CCM2: variants seen among roughly 807,000 people sequenced by gnomAD.
CCM2 encodes CCM2 scaffold protein, also known as cerebral cavernous malformations 2 protein.
CCM2 carries 25 observed loss-of-function variants against 44.9 expected under a neutral mutation model. That is an observed-to-expected ratio of 0.56 (90% CI 0.41 to 0.78). CCM2 has a LOEUF of 0.78. Ranked by LOEUF, CCM2 falls within the 30% of genes least tolerant of loss-of-function variation. CCM2 has a pLI of 0.00. For synonymous variants in CCM2, 219 were observed against 241.1 expected (o/e 0.91, Z 0.85); for missense variants, 481 against 580.6 (o/e 0.83, Z 1.76).
chr7:45,014,981 C>T (rs1796209478), intron 1 of CCM2, among the ~76,000 whole-genome samples: 1 of 152,198 alleles, frequency 6.6e-6, no homozygotes, highest in Non-Finnish European at 1.5e-5. Flanking sequence ...TGTTGTGCAT[C>T]TGGCATCTTT....
At chr7:45,052,951 T>G (rs1277356886) in intron 2 of CCM2, among the ~76,000 whole-genome samples, 1 of 152,232 alleles carries the variant, frequency 6.6e-6, no homozygotes, top group Non-Finnish European at 1.5e-5. Flanking sequence ...AATGGAAGGA[T>G]TCTGCAAAGT....
At chr7:45,027,325 C>T (rs553574115) in intron 1 of CCM2, 17 of 350,468 alleles carry the variant, frequency 4.9e-5, no homozygotes, top group South Asian at 2.1e-4. Context: ...AATGGTAGCC[C>T]CTCACAGTGC....
At chr7:45,043,596 TCCAGCC>T in intron 2 of CCM2, 1 of 308,806 alleles carries the variant, frequency 3.2e-6, no homozygotes, top group Non-Finnish European at 6.1e-6. Flanking sequence ...GCCACTGCAC[TCCAGCC>T]TGGGTGATGG....
At chr7:45,018,985 C>T (rs1388943635) in intron 1 of CCM2, among the ~76,000 whole-genome samples, 1 of 151,048 alleles carries the variant, frequency 6.6e-6, no homozygotes, top group Non-Finnish European at 1.5e-5. Context: ...GTCTCGAACT[C>T]CTGACCTCAG....
chr7:45,057,089 T>G (rs1400536834), intron 2 of CCM2, among the ~76,000 whole-genome samples: 1 of 152,222 alleles, frequency 6.6e-6, no homozygotes, highest in Non-Finnish European at 1.5e-5. Context: ...CCCCATTGAA[T>G]GCTCATCATG....
intron 1 of CCM2, among the ~76,000 whole-genome samples, chr7:45,021,481 C>T (rs1796478272): frequency 1.3e-5 from 2 of 151,540 alleles, no homozygotes; most frequent in South Asian, 2.1e-4. Context: ...GGGAGAATTG[C>T]TTGAACCCGG....
chr7:45,070,338 C>G (rs764950687), intron 6 of CCM2: 2 of 395,502 alleles, frequency 5.1e-6, no homozygotes, highest in African/African-American at 2.1e-5. Flanking sequence ...GGGGAGCCTC[C>G]TTTTCAGTAT....
intron 6 of CCM2, chr7:45,072,126 T>C: frequency 2.9e-6 from 1 of 343,962 alleles, no homozygotes; most frequent in Non-Finnish European, 5.7e-6. Flanking sequence ...GAAATGTGCC[T>C]TCCTCAGGTT....
chr7:45,040,016 G>C (rs1376323721), intron 2 of CCM2, among the ~76,000 whole-genome samples: 1 of 151,840 alleles, frequency 6.6e-6, no homozygotes, highest in African/African-American at 2.4e-5. Flanking sequence ...GAAAGAGTGA[G>C]ACTGTATGTC....
chr7:45,072,009 C>T (rs1799101804), intron 6 of CCM2: 4 of 374,244 alleles, frequency 1.1e-5, no homozygotes, highest in Non-Finnish European at 2.1e-5. Flanking sequence ...CCAGAAATGT[C>T]CCTTTTATCT....
In CCM2 at chr7:45,075,818, G is replaced by A. The variant is rs1000120007; in HGVS notation, c.1096G>A (p.Glu366Lys). 3.1e-6 allele frequency: 5 copies of A among 1,613,634 alleles called. No homozygotes were observed. The highest frequency in any genetic ancestry group is 3.4e-6 in the Non-Finnish European group (4 of 1,180,022). ...FIPEKDSQHF[E>K]NFLETIGVKD... ...CCCTGAGAAGGACAGCCAGCACTTC[G>A]AGAACTTCCTGGAGACCATTGGCGT... is the stretch of plus-strand genomic sequence containing the variant. Residue 366 changes from glutamate to lysine, a missense_variant, in exon 10 of 10, where the codon GAG becomes AAG. Glu to Lys is a moderately conservative substitution (Grantham distance 56, BLOSUM62 1). Coordinates refer to ENST00000258781, the MANE Select transcript of CCM2 (RefSeq NM_031443.4).
chr7:45,038,154 C>T (rs1364466235), intron 1 of CCM2, 99 bp from the exon 2 acceptor site: 2 of 1,377,878 alleles, frequency 1.5e-6, no homozygotes, highest in African/African-American at 1.4e-5. Context: ...TGCATGGGGG[C>T]CATGGTAGTA....
At chr7:45,023,787 G>GTTTTTTTTTTTTTTTTTTTTT (rs10596429) in intron 1 of CCM2, among the ~76,000 whole-genome samples, 2 of 58,616 alleles carry the variant, frequency 3.4e-5, no homozygotes, top group African/African-American at 7.6e-5. Flanking sequence ...CTCTGTATCA[G>GTTTTTTTTTTTTTTTTTTTTT]TTTTTTTTTT....
chr7:45,071,635 T>G, intron 6 of CCM2: 1 of 366,374 alleles, frequency 2.7e-6, no homozygotes, highest in Non-Finnish European at 5.3e-6. Flanking sequence ...AAAGTTGAGG[T>G]GTCCACAGGG....
rs17172313 is a variant in CCM2, at chr7:45,051,140, T to C, written c.204+12714T>C. ...CATATTTCTCACGTTAAGTTCATTCTATCCAGACTCAGCTTCTCCAGAGGC... is the reference window on the plus strand; with the variant it reads ...CATATTTCTCACGTTAAGTTCATTCCATCCAGACTCAGCTTCTCCAGAGGC... On this transcript the variant is annotated intron_variant, in intron 2 of 9. Transcript: ENST00000258781. Among the ~76,000 whole-genome samples the C allele has an allele frequency of 5.1e-3, 781 of 152,290 alleles. 10 individuals are homozygous for C. The highest frequency in any genetic ancestry group is 0.018 in the African/African-American group (751 of 41,534).
intron 2 of CCM2, among the ~76,000 whole-genome samples, chr7:45,039,167 A>T (rs1562882789): frequency 6.6e-6 from 1 of 152,184 alleles, no homozygotes; most frequent in Non-Finnish European, 1.5e-5. Flanking sequence ...GCTCAGCCAG[A>T]TGATTAACTC....
At position 45,076,069 on chromosome 7, in the gene CCM2, T is replaced by C. The variant is rs773523983; in HGVS notation, c.*12T>C. On this transcript the variant is annotated 3_prime_UTR_variant, in exon 10 of 10. Coordinates refer to ENST00000258781, the MANE Select transcript of CCM2 (RefSeq NM_031443.4). Reference sequence around the variant, plus strand: ...AGGACTCAGCATGATGGACAGTGGATGGGGGGGCACCCACACCTTCCGCGC... The same window carrying C: ...AGGACTCAGCATGATGGACAGTGGACGGGGGGGCACCCACACCTTCCGCGC... 2 of 1,612,594 alleles carry C rather than the reference T, an allele frequency of 1.2e-6. No individual in the cohort carries two copies. The highest frequency in any genetic ancestry group is 1.7e-6 in the Non-Finnish European group (2 of 1,179,936).
In CCM2 at chr7:45,016,329, T is replaced by A. The variant is rs536547994; in HGVS notation, c.30+15966T>A. 3.3e-5 allele frequency among the ~76,000 whole-genome samples: 5 copies of A among 152,322 alleles called. No homozygotes were observed. The East Asian group carries it at 9.6e-4, about 29-fold the overall frequency. Reference sequence around the variant, plus strand: ...GTACTGAACAGACATGCAATTTATTTTATTTTATTTATTTTTTTTGAGACA... The same window carrying A: ...GTACTGAACAGACATGCAATTTATTATATTTTATTTATTTTTTTTGAGACA... On this transcript the variant is annotated intron_variant, in intron 1 of 9. Coordinates refer to ENST00000258781, the MANE Select transcript of CCM2 (RefSeq NM_031443.4).
At chr7:45,026,737 G>T (rs1796706625) in intron 1 of CCM2, among the ~76,000 whole-genome samples, 1 of 151,488 alleles carries the variant, frequency 6.6e-6, no homozygotes, top group African/African-American at 2.4e-5. Flanking sequence ...CAAGTAGCTG[G>T]GATAACAGGT....
Sources: allele counts gnomAD v4.1 joint callset (sites outside exome capture counted in the v4.1 genomes callset), GRCh38; gene constraint gnomAD v4.1.1; transcripts MANE v1.5; gene names NCBI Gene and HGNC (gene_info 2026-07-23, HGNC 2026-07-21).